PTPN1: variants seen among roughly 807,000 people sequenced by gnomAD.
The protein encoded by PTPN1 is protein tyrosine phosphatase non-receptor type 1.
In PTPN1, 12 loss-of-function variants were observed where a neutral mutation model predicts 59.9. The ratio of observed to expected loss-of-function variants is 0.20; its 90% CI spans 0.13 to 0.32. PTPN1 has a LOEUF of 0.32. PTPN1 is among the 10% of genes least tolerant of loss of function. PTPN1 has a pLI of 1.00. For missense variants in PTPN1, 356 were observed against 549.2 expected (o/e 0.65, Z 3.52); for synonymous variants, 178 against 203.6 (o/e 0.87, Z 1.07).
At chr20:50,515,729 A>C (rs1034732459) in intron 1 of PTPN1, among the ~76,000 whole-genome samples, 22 of 152,198 alleles carry the variant, frequency 1.4e-4, no homozygotes, top group African/African-American at 5.1e-4. Context: ...TTGGGATTGA[A>C]TTGATGGTCA....
chr20:50,545,846 C>T (rs536090803), intron 1 of PTPN1, among the ~76,000 whole-genome samples: 2 of 151,592 alleles, frequency 1.3e-5, no homozygotes, highest in African/African-American at 2.4e-5. Flanking sequence ...CGAGACCCCC[C>T]CTCCCCCCGT....
chr20:50,576,733 G>A (rs1036721797), intron 5 of PTPN1, among the ~76,000 whole-genome samples: 3 of 151,784 alleles, frequency 2.0e-5, no homozygotes, highest in Non-Finnish European at 2.9e-5. Flanking sequence ...AAAATTAGCC[G>A]GGCGTGGTGG....
intron 1 of PTPN1, among the ~76,000 whole-genome samples, chr20:50,560,712 CGTT>C (rs1290894452): frequency 1.3e-5 from 2 of 151,120 alleles, no homozygotes; most frequent in Non-Finnish European, 1.5e-5. Flanking sequence ...AGTACATTCA[CGTT>C]GTGTGTATTT....
intron 3 of PTPN1, among the ~76,000 whole-genome samples, chr20:50,565,809 C>T (rs900554101): frequency 6.6e-6 from 1 of 152,148 alleles, no homozygotes; most frequent in Non-Finnish European, 1.5e-5. Flanking sequence ...AGCTTTCAGT[C>T]TTATATGGCT....
chr20:50,553,583 T>C (rs913744370), intron 1 of PTPN1, among the ~76,000 whole-genome samples: 2 of 152,222 alleles, frequency 1.3e-5, no homozygotes, highest in African/African-American at 4.8e-5. Flanking sequence ...ATACGTAGGA[T>C]ATTTGGTAGA....
intron 1 of PTPN1, among the ~76,000 whole-genome samples, chr20:50,554,573 C>T (rs1455931705): frequency 6.6e-6 from 1 of 151,780 alleles, no homozygotes; most frequent in African/African-American, 2.4e-5. Flanking sequence ...AAGTGACATA[C>T]ATAGATAAAT....
intron 3 of PTPN1, among the ~76,000 whole-genome samples, chr20:50,566,526 C>G (rs527933714): frequency 6.6e-6 from 1 of 152,156 alleles, no homozygotes; most frequent in African/African-American, 2.4e-5. Context: ...CTAAAGGAGT[C>G]GAGGCAGCCT....
intron 1 of PTPN1, among the ~76,000 whole-genome samples, chr20:50,517,640 A>G (rs2082534605): frequency 6.6e-6 from 1 of 152,210 alleles, no homozygotes; most frequent in Admixed American, 6.5e-5. Context: ...GTAAGGTTTT[A>G]TGGATACCCT....
rs2082857558 is a variant in PTPN1, at chr20:50,579,933, T to C, written c.1088+7T>C. ...CACCCTACGGCATCGAAAGGTAATA[T>C]GATTGGGTCCCAGCTTGTTGGGGTG... On this transcript the variant is annotated splice_region_variant and intron_variant, in intron 8 of 9. Transcript: ENST00000371621. The C allele has an allele frequency of 5.0e-6, 8 of 1,611,460 alleles. No homozygotes were observed. Among genetic ancestry groups the C allele is most frequent in the Non-Finnish European group, 5.9e-6 (7 of 1,178,064 alleles).
At chr20:50,557,160 T>C (rs1478747568) in intron 1 of PTPN1, among the ~76,000 whole-genome samples, 1 of 152,234 alleles carries the variant, frequency 6.6e-6, no homozygotes. Flanking sequence ...TTTGTTCTGC[T>C]GATTGATTAC....
chr20:50,572,256 T>G (rs2082813734), intron 4 of PTPN1: 1 of 152,226 alleles, frequency 6.6e-6, no homozygotes, highest in Non-Finnish European at 1.5e-5. Context: ...TGTGTTCTAA[T>G]AAAAATCCAT....
intron 4 of PTPN1, chr20:50,571,414 A>G (rs1236541575): frequency 6.6e-6 from 1 of 152,214 alleles, no homozygotes; most frequent in Non-Finnish European, 1.5e-5. Context: ...TGGGATCAAC[A>G]TTTTCAATTC....
At chr20:50,519,865 G>A (rs1003533803) in intron 1 of PTPN1, among the ~76,000 whole-genome samples, 1 of 152,186 alleles carries the variant, frequency 6.6e-6, no homozygotes, top group Non-Finnish European at 1.5e-5. Context: ...TCATAAGGAA[G>A]TGATAAGTAT....
chr20:50,551,684 C>T (rs1014735809), intron 1 of PTPN1, among the ~76,000 whole-genome samples: 2 of 152,150 alleles, frequency 1.3e-5, no homozygotes, highest in Admixed American at 6.5e-5. Context: ...AGGAGAGATC[C>T]GTAAAGAACC....
chr20:50,578,773 G>T (rs530404229), intron 6 of PTPN1, 144 bp downstream of exon 6: 39 of 713,898 alleles, frequency 5.5e-5, no homozygotes, highest in African/African-American at 3.0e-4. Context: ...TAATAAAGGC[G>T]TACCTGAGAC....
At chr20:50,523,506 A>G (rs183494762) in intron 1 of PTPN1, among the ~76,000 whole-genome samples, 60 of 152,266 alleles carry the variant, frequency 3.9e-4, no homozygotes, top group African/African-American at 1.2e-3. Context: ...CTTTTTGTCA[A>G]TCTTTCATTT....
chr20:50,578,295 A>T, intron 5 of PTPN1, 125 bp from the exon 6 acceptor site: 1 of 891,484 alleles, frequency 1.1e-6, no homozygotes, highest in Non-Finnish European at 1.8e-6. Flanking sequence ...ACCCTGGGAG[A>T]AAGTCTGAGA....
rs933140965 is a variant in PTPN1, at chr20:50,568,893, G to A, written c.354+415G>A. ...AGAGTGTGGCTACCTCTGCGGAGCT[G>A]TGGGAGCGGCTGACTAGATGAGATT... On this transcript the variant is annotated intron_variant, in intron 4 of 9. Transcript: ENST00000371621. The surrounding 1 kb of genome is among the most constrained non-coding windows in gnomAD (Gnocchi z 5.6). 2.1e-4 allele frequency among the ~76,000 whole-genome samples: 32 copies of A among 152,164 alleles called. 3 individuals are homozygous for A. Among genetic ancestry groups the A allele is most frequent in the Admixed American group, 2.0e-3 (30 of 15,272 alleles).
chr20:50,550,248 A>G (rs975718660), intron 1 of PTPN1, among the ~76,000 whole-genome samples: 3 of 152,210 alleles, frequency 2.0e-5, no homozygotes, highest in African/African-American at 4.8e-5. Flanking sequence ...GAACCAGGTA[A>G]CAACCCGAAC....
Sources: gnomAD v4.1 joint callset for allele counts (sites outside exome capture counted in the v4.1 genomes callset) on GRCh38, gnomAD v4.1.1 for gene constraint, Gnocchi (gnomAD v3.1) non-coding constraint, MANE v1.5 for transcripts, NCBI Gene and HGNC (gene_info 2026-07-23, HGNC 2026-07-21) for gene names.